The following DACH2 variants were observed in gnomAD, a reference collection of about 807,000 sequenced individuals.
DACH2 encodes the protein dachshund family transcription factor 2.
DACH2 carries 17 observed loss-of-function variants against 35.8 expected under a neutral mutation model. The ratio of observed to expected loss-of-function variants is 0.48; its 90% CI spans 0.33 to 0.71. The LOEUF (loss-of-function observed/expected upper bound fraction) is 0.71. Ranked by LOEUF, DACH2 falls within the 30% of genes least tolerant of loss-of-function variation. The pLI, the probability that DACH2 is intolerant of heterozygous loss-of-function variation, is 0.02. For missense variants in DACH2, 469 were observed against 472.7 expected (o/e 0.99, Z 0.07); for synonymous variants, 195 against 177.3 (o/e 1.10, Z -0.79).
At chrX:86,637,739 G>C (rs1164977162) in intron 3 of DACH2, among the ~76,000 whole-genome samples, 1 of 111,001 alleles carries the variant, frequency 9.0e-6, no homozygotes, top group African/African-American at 3.3e-5. Flanking sequence ...TGGAGCTTGG[G>C]AGGAGGAAGC....
intron 3 of DACH2, among the ~76,000 whole-genome samples, chrX:86,596,037 C>A (rs2039707264): frequency 9.0e-6 from 1 of 111,454 alleles, no homozygotes; most frequent in Non-Finnish European, 1.9e-5. Flanking sequence ...TACTTGGCAT[C>A]TTTCATATAA....
rs371097304 is a variant in DACH2 at position 86,306,443 on chromosome X, G to A, written c.489-70381G>A. Among the ~76,000 whole-genome samples, 21 of 111,839 alleles carry A rather than the reference G, an allele frequency of 1.9e-4. No homozygotes were observed. The East Asian group carries it at 5.9e-3, about 31-fold the overall frequency. ...TGAGTGTCAACTTGATTGGATTGAG[G>A]GATACAGAGTATTAATCCTGGGTGT... On this transcript the variant is annotated intron_variant, in intron 1 of 11. Coordinates refer to ENST00000373125, the MANE Select transcript of DACH2 (RefSeq NM_053281.3).
intron 7 of DACH2, among the ~76,000 whole-genome samples, chrX:86,765,263 C>G (rs769297639): frequency 9.0e-6 from 1 of 111,494 alleles, no homozygotes; most frequent in Non-Finnish European, 1.9e-5. Context: ...GTTTATGTTG[C>G]AATTGCTTTG....
chrX:86,813,413 T>G, intron 9 of DACH2, 136 bp downstream of exon 9: 1 of 428,515 alleles, frequency 2.3e-6, no homozygotes, highest in Non-Finnish European at 3.5e-6. Context: ...CCATCCTGGC[T>G]AACACGGAGA....
At chrX:86,453,838 A>G (rs1339369879) in intron 2 of DACH2, among the ~76,000 whole-genome samples, 1 of 110,750 alleles carries the variant, frequency 9.0e-6, no homozygotes, top group African/African-American at 3.3e-5. Flanking sequence ...TTATGTGTGA[A>G]TTTGAAACTT....
chrX:86,493,383 C>T (rs1423920194), intron 2 of DACH2, among the ~76,000 whole-genome samples: 2 of 111,260 alleles, frequency 1.8e-5, no homozygotes. Flanking sequence ...AAACAAAATA[C>T]CATGCCCAAT....
At chrX:86,521,355 G>C (rs771059778) in intron 3 of DACH2, among the ~76,000 whole-genome samples, 31 of 111,467 alleles carry the variant, frequency 2.8e-4, no homozygotes, top group Non-Finnish European at 4.7e-4. Flanking sequence ...TTTTGACCTT[G>C]GAAAATCTGA....
chrX:86,368,940 T>C (rs1051988756), intron 1 of DACH2, among the ~76,000 whole-genome samples: 4 of 110,896 alleles, frequency 3.6e-5, no homozygotes, highest in African/African-American at 1.3e-4. Flanking sequence ...TAGATAAATA[T>C]TAACAAGAAG....
At chrX:86,247,962 G>A (rs1226201998) in intron 1 of DACH2, among the ~76,000 whole-genome samples, 1 of 111,031 alleles carries the variant, frequency 9.0e-6, no homozygotes, top group Non-Finnish European at 1.9e-5. Context: ...CTCAATAGAT[G>A]CAGAAAAGGT....
At chrX:86,264,692 G>A (rs944450598) in intron 1 of DACH2, among the ~76,000 whole-genome samples, 2 of 111,442 alleles carry the variant, frequency 1.8e-5, no homozygotes, top group African/African-American at 6.5e-5. Flanking sequence ...ACATGTGTCT[G>A]TTTGTGTGAA....
intron 1 of DACH2, among the ~76,000 whole-genome samples, chrX:86,153,748 A>C (rs2147856838): frequency 8.9e-6 from 1 of 111,860 alleles, no homozygotes; most frequent in South Asian, 3.7e-4. Context: ...TTATAATTAA[A>C]GCAATTATAA....
chrX:86,427,569 T>G (rs1241188376), intron 2 of DACH2, among the ~76,000 whole-genome samples: 2 of 111,405 alleles, frequency 1.8e-5, no homozygotes, highest in Non-Finnish European at 3.8e-5. Context: ...GGCTCCTTAT[T>G]ACTTGGAAAT....
chrX:86,388,107 A>G (rs1029191414), intron 2 of DACH2, among the ~76,000 whole-genome samples: 1 of 111,871 alleles, frequency 8.9e-6, no homozygotes, highest in Non-Finnish European at 1.9e-5. Flanking sequence ...TGCTGCAGTC[A>G]CTGAGCTGGT....
At chrX:86,389,509 A>C (rs952818716) in intron 2 of DACH2, among the ~76,000 whole-genome samples, 1 of 112,312 alleles carries the variant, frequency 8.9e-6, no homozygotes, top group Non-Finnish European at 1.9e-5. Flanking sequence ...GGACAAGTTA[A>C]ATGATAAATT....
At chrX:86,587,852 T>C (rs769467852) in intron 3 of DACH2, among the ~76,000 whole-genome samples, 1 of 112,189 alleles carries the variant, frequency 8.9e-6, no homozygotes, top group Non-Finnish European at 1.9e-5. Context: ...TTTGTTTTGC[T>C]GTGCAAAAGC....
intron 4 of DACH2, among the ~76,000 whole-genome samples, chrX:86,678,458 A>G (rs1602776695): frequency 8.9e-6 from 1 of 112,471 alleles, no homozygotes; most frequent in Non-Finnish European, 1.9e-5. Context: ...AAACATTTAC[A>G]ATTACTACAG....
chrX:86,628,940 G>A (rs7066341), intron 3 of DACH2, among the ~76,000 whole-genome samples: 10 of 111,419 alleles, frequency 9.0e-5, no homozygotes, highest in African/African-American at 3.3e-4. Flanking sequence ...AAACACATTT[G>A]AATTTTCATT....
At chrX:86,531,999 A>T (rs779432848) in intron 3 of DACH2, among the ~76,000 whole-genome samples, 10 of 113,110 alleles carry the variant, frequency 8.8e-5, no homozygotes, top group South Asian at 7.2e-4. Context: ...GAGCTTTAGG[A>T]TTTAATGACT....
At chrX:86,735,240 C>G (rs1484694018) in intron 6 of DACH2, among the ~76,000 whole-genome samples, 1 of 111,484 alleles carries the variant, frequency 9.0e-6, no homozygotes, top group Non-Finnish European at 1.9e-5. Context: ...TCTGTGTATA[C>G]TTCCATATTT....
Sources: allele counts gnomAD v4.1 joint callset (sites outside exome capture counted in the v4.1 genomes callset), GRCh38; gene constraint gnomAD v4.1.1; transcripts MANE v1.5; gene names NCBI Gene and HGNC (gene_info 2026-07-23, HGNC 2026-07-21).